KSR2: variants seen among roughly 807,000 people sequenced by gnomAD.
KSR2 encodes the protein kinase suppressor of ras 2.
In KSR2, 25 loss-of-function variants were observed where a neutral mutation model predicts 107.8. The ratio of observed to expected loss-of-function variants is 0.23; its 90% CI spans 0.17 to 0.32. KSR2 has a LOEUF of 0.32. Ranked by LOEUF, KSR2 falls within the 10% of genes least tolerant of loss-of-function variation. KSR2 has a pLI of 1.00. For missense variants in KSR2, 887 were observed against 1,268.9 expected, an observed-to-expected ratio of 0.70 and a Z score of 4.57; for synonymous variants, 480 against 507.0, an observed-to-expected ratio of 0.95 and a Z score of 0.71.
chr12:117,794,272 CACACACCA>C (rs1292727049), intron 3 of KSR2, among the ~76,000 whole-genome samples: 1,666 of 106,830 alleles, frequency 0.016, 179 homozygotes, highest in African/African-American at 0.019. Flanking sequence ...CCAACATGCA[CACACACCA>C]ACATGCACTC....
At chr12:117,650,017 A>G (rs41459444) in intron 5 of KSR2, among the ~76,000 whole-genome samples, 12,261 of 152,208 alleles carry the variant, frequency 0.081, 1,121 homozygotes, top group African/African-American at 0.22. Context: ...CTCTCTTTTA[A>G]GCAAATGTCA....
intron 4 of KSR2, among the ~76,000 whole-genome samples, chr12:117,696,030 C>T (rs1205631125): frequency 1.3e-5 from 2 of 152,220 alleles, no homozygotes; most frequent in Non-Finnish European, 2.9e-5. Context: ...ACCTTCTCTG[C>T]AGCTGTTAAA....
chr12:117,688,410 T>C (rs897012429), intron 4 of KSR2, among the ~76,000 whole-genome samples: 12 of 152,182 alleles, frequency 7.9e-5, no homozygotes, highest in African/African-American at 2.7e-4. Context: ...ATTTTTTCAC[T>C]AAATCAGACT....
chr12:117,636,830 C>T lies in KSR2; in HGVS notation c.1171+30644G>A, dbSNP rs935048948. The stretch of plus-strand genomic sequence containing the variant: ...CATTTGACTGCATTAACGTTAAGAA[C>T]CCCTATACATCAAAAGAGCCAATAA... On this transcript the variant is annotated intron_variant, in intron 5 of 19. Transcript: ENST00000339824. 3.3e-5 allele frequency among the ~76,000 whole-genome samples: 5 copies of T among 152,192 alleles called. No homozygotes were observed. The East Asian group carries it at 7.7e-4, about 23-fold the overall frequency.
intron 3 of KSR2, among the ~76,000 whole-genome samples, chr12:117,762,508 C>T (rs567436455): frequency 6.6e-6 from 1 of 152,292 alleles, no homozygotes; most frequent in African/African-American, 2.4e-5. Context: ...AGAAAACATG[C>T]TCACAGAAGG....
chr12:117,958,058 C>T (rs1194382603), intron 1 of KSR2, among the ~76,000 whole-genome samples: 1 of 152,160 alleles, frequency 6.6e-6, no homozygotes, highest in African/African-American at 2.4e-5. Context: ...GTCTTGAACT[C>T]CTGGCCTCAA....
Position 117,775,007 on chromosome 12 carries a change from T to C in KSR2, c.473-13483A>G, listed in dbSNP as rs541598617. Among the ~76,000 whole-genome samples the C allele has an allele frequency of 2.0e-5, 3 of 152,350 alleles. No individual in the cohort carries two copies. The East Asian group carries it at 5.8e-4, about 29-fold the overall frequency. ...GCATGTGTTGGTCTTTCCTTTCTTGTTATGGCTGAATAATATGTATACACC... is the reference window on the plus strand; with the variant it reads ...GCATGTGTTGGTCTTTCCTTTCTTGCTATGGCTGAATAATATGTATACACC... On this transcript the variant is annotated intron_variant, in intron 3 of 19. Coordinates refer to ENST00000339824, the MANE Select transcript of KSR2 (RefSeq NM_173598.6).
intron 3 of KSR2, among the ~76,000 whole-genome samples, chr12:117,793,952 C>T (rs143854689): frequency 0.015 from 1,915 of 130,422 alleles, 18 homozygotes; most frequent in East Asian, 0.026. Flanking sequence ...CACCAACATG[C>T]GCACACACCA....
At chr12:117,961,151 T>C (rs1365989605) in intron 1 of KSR2, among the ~76,000 whole-genome samples, 2 of 152,164 alleles carry the variant, frequency 1.3e-5, no homozygotes, top group Non-Finnish European at 2.9e-5. Flanking sequence ...TTCTTTGCAG[T>C]GTTGTGACTA....
At chr12:117,871,864 C>G (rs577273141) in intron 1 of KSR2, among the ~76,000 whole-genome samples, 1 of 151,882 alleles carries the variant, frequency 6.6e-6, no homozygotes, top group East Asian at 1.9e-4. Context: ...GGTATGTTGC[C>G]CAGGCTGGTC....
At chr12:117,684,437 C>T (rs988860514) in intron 4 of KSR2, among the ~76,000 whole-genome samples, 3 of 152,190 alleles carry the variant, frequency 2.0e-5, no homozygotes, top group Admixed American at 6.5e-5. Flanking sequence ...TGTACTATTA[C>T]ATGAATGCTC....
chr12:117,780,508 T>C (rs1409107674), intron 3 of KSR2, among the ~76,000 whole-genome samples: 2 of 152,152 alleles, frequency 1.3e-5, no homozygotes, highest in African/African-American at 4.8e-5. Flanking sequence ...ATCTAGATGA[T>C]GCAAATTTAT....
At position 117,715,321 on chromosome 12, in the gene KSR2, G is replaced by A. The variant is rs114519460; in HGVS notation, c.986+45690C>T. On this transcript the variant is annotated intron_variant, in intron 4 of 19. Transcript: ENST00000339824. ...GCTATGGACAACTCCATTCTAGCTC[G>A]CAGCCCCCATGAAAATAAAATGCAA... 5.5e-3 allele frequency among the ~76,000 whole-genome samples: 831 copies of A among 152,222 alleles called. 10 individuals are homozygous for A. The highest frequency in any genetic ancestry group is 0.019 in the African/African-American group (794 of 41,520).
intron 4 of KSR2, among the ~76,000 whole-genome samples, chr12:117,707,588 A>G (rs1421189018): frequency 1.3e-5 from 2 of 152,174 alleles, no homozygotes; most frequent in African/African-American, 4.8e-5. Flanking sequence ...GATATGAGGA[A>G]TAAGAGTATT....
intron 9 of KSR2, among the ~76,000 whole-genome samples, chr12:117,545,834 T>C (rs4767561): frequency 0.26 from 38,830 of 152,116 alleles, 5,606 homozygotes; most frequent in Admixed American, 0.43. Context: ...AGGTAGTATA[T>C]TATATATACA....
At chr12:117,487,919 C>T (rs1290995414) in intron 14 of KSR2, among the ~76,000 whole-genome samples, 1 of 152,142 alleles carries the variant, frequency 6.6e-6, no homozygotes, top group Non-Finnish European at 1.5e-5. Context: ...ACAAATAACC[C>T]TGATATGGTT....
At chr12:117,498,410 G>A (rs1316730560) in intron 14 of KSR2, among the ~76,000 whole-genome samples, 1 of 152,170 alleles carries the variant, frequency 6.6e-6, no homozygotes. Flanking sequence ...GCAGGCTGCA[G>A]GTGGCTAGAG....
intron 5 of KSR2, among the ~76,000 whole-genome samples, chr12:117,639,928 A>C (rs1883283578): frequency 1.3e-5 from 2 of 152,102 alleles, no homozygotes; most frequent in East Asian, 3.9e-4. Context: ...TCTTCAACTT[A>C]GAAGCCACTC....
chr12:117,773,527 T>C (rs1405273633), intron 3 of KSR2, among the ~76,000 whole-genome samples: 1 of 152,114 alleles, frequency 6.6e-6, no homozygotes, highest in East Asian at 1.9e-4. Context: ...GAGCCAGCAT[T>C]GGAATCTACA....
Sources: gnomAD v4.1 joint callset for allele counts (sites outside exome capture counted in the v4.1 genomes callset) on GRCh38, gnomAD v4.1.1 for gene constraint, MANE v1.5 for transcripts, NCBI Gene and HGNC (gene_info 2026-07-23, HGNC 2026-07-21) for gene names.